WDPCP: variants seen among roughly 807,000 people sequenced by gnomAD.
WDPCP encodes WD repeat containing planar cell polarity effector.
In WDPCP, 71 loss-of-function variants were observed where a neutral mutation model predicts 93.1. The observed-to-expected ratio is 0.76, with a 90% CI of 0.63 to 0.93. WDPCP has a LOEUF of 0.93. Ranked by LOEUF, WDPCP falls within the 40% of genes least tolerant of loss-of-function variation. The pLI, the probability that WDPCP is intolerant of heterozygous loss-of-function variation, is 0.00. For synonymous variants in WDPCP, 315 were observed against 315.0 expected, an observed-to-expected ratio of 1.00 and a Z score of 0.00; for missense variants, 844 against 887.4, an observed-to-expected ratio of 0.95 and a Z score of 0.62.
At chr2:63,318,178 TA>T (rs1373901645) in intron 12 of WDPCP, among the ~76,000 whole-genome samples, 1 of 152,180 alleles carries the variant, frequency 6.6e-6, no homozygotes, top group Non-Finnish European at 1.5e-5. Flanking sequence ...TCAGCATCAC[TA>T]ATCGTTAGAG....
chr2:63,205,911 G>C (rs1676302561), intron 14 of WDPCP, among the ~76,000 whole-genome samples: 1 of 152,122 alleles, frequency 6.6e-6, no homozygotes, highest in Non-Finnish European at 1.5e-5. Context: ...CCCATACTTA[G>C]AGGAAAGGCT....
At chr2:63,339,498 G>T (rs1052064058) in intron 12 of WDPCP, among the ~76,000 whole-genome samples, 2 of 152,096 alleles carry the variant, frequency 1.3e-5, no homozygotes, top group African/African-American at 4.8e-5. Flanking sequence ...ATTGTTTGCT[G>T]TTGGTATATA....
At chr2:63,444,839 T>C (rs940226807) in intron 6 of WDPCP, among the ~76,000 whole-genome samples, 4 of 152,200 alleles carry the variant, frequency 2.6e-5, no homozygotes, top group African/African-American at 4.8e-5. Flanking sequence ...AGACAAAAAG[T>C]ACCTTCCTTA....
At chr2:63,704,833 T>C (rs960638816) in intron 2 of WDPCP, among the ~76,000 whole-genome samples, 13 of 152,184 alleles carry the variant, frequency 8.5e-5, no homozygotes, top group Admixed American at 7.2e-4. Flanking sequence ...AGGGAGGATT[T>C]CCTCTTTTTC....
At chr2:63,621,574 G>A (rs184854804) in intron 3 of WDPCP, among the ~76,000 whole-genome samples, 5 of 152,276 alleles carry the variant, frequency 3.3e-5, no homozygotes, top group African/African-American at 9.6e-5. Flanking sequence ...GTGATGGAGA[G>A]GATGGAACCA....
intron 3 of WDPCP, among the ~76,000 whole-genome samples, chr2:63,636,037 T>G (rs191416203): frequency 6.6e-6 from 1 of 152,320 alleles, no homozygotes; most frequent in Admixed American, 6.5e-5. Context: ...CATATTAATA[T>G]CAGTTGTATC....
chr2:63,553,948 A>G (rs1485519905), intron 1 of WDPCP, among the ~76,000 whole-genome samples: 1 of 152,182 alleles, frequency 6.6e-6, no homozygotes, highest in African/African-American at 2.4e-5. Context: ...GTCAGTGTGT[A>G]TTTCCTAAAA....
chr2:63,220,772 G>C (rs1327110723), intron 14 of WDPCP, among the ~76,000 whole-genome samples: 1 of 152,108 alleles, frequency 6.6e-6, no homozygotes, highest in Non-Finnish European at 1.5e-5. Flanking sequence ...AGGTAAACAT[G>C]TGCCATGGTG....
At chr2:63,425,236 A>T (rs1426829862) in intron 9 of WDPCP, among the ~76,000 whole-genome samples, 1 of 152,222 alleles carries the variant, frequency 6.6e-6, no homozygotes, top group East Asian at 1.9e-4. Context: ...AGCCCCATTC[A>T]ACGACAGCAA....
chr2:63,819,002 T>G lies in WDPCP; in HGVS notation n.223-5295A>C, dbSNP rs1351202476. Among the ~76,000 whole-genome samples the G allele has an allele frequency of 2.0e-5, 3 of 152,194 alleles. No homozygotes were observed. In the East Asian group the frequency reaches 5.8e-4, roughly 29 times the overall value. The stretch of plus-strand genomic sequence containing the variant: ...TATATATTTACTATAAATAGATGTA[T>G]ACACACATATATATAATATACACAC... On this transcript the variant is annotated intron_variant and non_coding_transcript_variant, in intron 1 of 4. Transcript: ENST00000467687.
intron 15 of WDPCP, among the ~76,000 whole-genome samples, chr2:63,171,074 A>G (rs1673355297): frequency 6.6e-6 from 1 of 152,176 alleles, no homozygotes; most frequent in Non-Finnish European, 1.5e-5. Flanking sequence ...AATTAACTCA[A>G]AATGGACTTT....
chr2:63,451,745 C>G (rs1197987702), intron 6 of WDPCP, among the ~76,000 whole-genome samples: 1 of 152,176 alleles, frequency 6.6e-6, no homozygotes, highest in African/African-American at 2.4e-5. Context: ...CCTTATCCAC[C>G]ATGATCAAGT....
At chr2:63,797,301 G>A (rs947041685) in intron 2 of WDPCP, among the ~76,000 whole-genome samples, 1 of 152,016 alleles carries the variant, frequency 6.6e-6, no homozygotes, top group Non-Finnish European at 1.5e-5. Context: ...GCTTGAGAAA[G>A]GGAGAGGAAA....
intron 1 of WDPCP, among the ~76,000 whole-genome samples, chr2:63,814,162 G>A (rs1449365591): frequency 6.6e-6 from 1 of 152,086 alleles, no homozygotes; most frequent in Non-Finnish European, 1.5e-5. Context: ...ATATGTGACT[G>A]GTTACCCAAA....
chr2:63,514,205 G>A (rs967234836), intron 1 of WDPCP, among the ~76,000 whole-genome samples: 2 of 152,134 alleles, frequency 1.3e-5, no homozygotes, highest in South Asian at 4.1e-4. Context: ...CTAGTAATGA[G>A]CCTTGTAGAA....
intron 1 of WDPCP, among the ~76,000 whole-genome samples, chr2:63,814,489 G>C (rs572153200): frequency 6.6e-6 from 1 of 152,246 alleles, no homozygotes; most frequent in African/African-American, 2.4e-5. Context: ...CCAATCCAGA[G>C]CCCTCACATT....
At chr2:63,669,606 C>T (rs1710321342) in intron 2 of WDPCP, among the ~76,000 whole-genome samples, 1 of 152,072 alleles carries the variant, frequency 6.6e-6, no homozygotes, top group Non-Finnish European at 1.5e-5. Flanking sequence ...GTGATCCACC[C>T]GTCTCAGCCT....
intron 14 of WDPCP, among the ~76,000 whole-genome samples, chr2:63,193,124 C>A (rs1675165656): frequency 6.6e-6 from 1 of 152,180 alleles, no homozygotes; most frequent in African/African-American, 2.4e-5. Flanking sequence ...AATTATACTA[C>A]AAAGCCTTTT....
At chr2:63,402,681 C>T (rs186561197) in intron 10 of WDPCP, among the ~76,000 whole-genome samples, 164 of 152,214 alleles carry the variant, frequency 1.1e-3, no homozygotes, top group African/African-American at 3.7e-3. Context: ...CTTGCTCTGT[C>T]GCCCAGGCTG....
Sources: gnomAD v4.1 joint callset for allele counts (sites outside exome capture counted in the v4.1 genomes callset) on GRCh38, gnomAD v4.1.1 for gene constraint, MANE v1.5 for transcripts, NCBI Gene and HGNC (gene_info 2026-07-23, HGNC 2026-07-21) for gene names.